PEPD: variants seen among roughly 807,000 people sequenced by gnomAD.
The protein encoded by PEPD is xaa-Pro dipeptidase.
Under a neutral mutation model 60.7 loss-of-function variants are expected in PEPD, and 53 were observed. The ratio of observed to expected loss-of-function variants is 0.87; its 90% CI spans 0.70 to 1.10. The LOEUF is 1.10. Ranked by LOEUF, PEPD falls within the 50% of genes least tolerant of loss-of-function variation. The pLI, the probability that PEPD is intolerant of heterozygous loss-of-function variation, is 0.00. For synonymous variants in PEPD, 267 were observed against 284.1 expected (o/e 0.94, Z 0.60); for missense variants, 711 against 711.9 (o/e 1.00, Z 0.01).
At chr19:33,414,292 G>T (rs764632624) in intron 9 of PEPD, among the ~76,000 whole-genome samples, 1 of 152,218 alleles carries the variant, frequency 6.6e-6, no homozygotes, top group Non-Finnish European at 1.5e-5. Flanking sequence ...CACCCTGAGC[G>T]GGTAGGGCCA....
chr19:33,512,483 CAGGG>C, intron 2 of PEPD, 106 bp downstream of exon 2: 1 of 1,032,814 alleles, frequency 9.7e-7, no homozygotes, highest in Non-Finnish European at 1.5e-6. Context: ...AACAGAGGCT[CAGGG>C]AGGGCCACAA....
rs111593929 is a variant in PEPD, at chr19:33,405,285, T to C, written c.819-3416A>G. ...AAGGCCTCCAAGATGGGTCGGCCAG[T>C]GACGGAAGGCTTGGGAACAGTTTTC... On this transcript the variant is annotated intron_variant, in intron 11 of 14. Coordinates refer to ENST00000244137, the MANE Select transcript of PEPD (RefSeq NM_000285.4). Among the ~76,000 whole-genome samples, 727 of 152,306 alleles carry C rather than the reference T, an allele frequency of 4.8e-3. 3 individuals carry two copies. The highest frequency in any genetic ancestry group is 0.017 in the Middle Eastern group (5 of 294).
chr19:33,488,555 G>C (rs1970438725), intron 6 of PEPD, among the ~76,000 whole-genome samples: 1 of 152,122 alleles, frequency 6.6e-6, no homozygotes, highest in African/African-American at 2.4e-5. Flanking sequence ...TGGGGAGAGA[G>C]AGCAGCTCCA....
chr19:33,424,281 A>T (rs1231356514), intron 9 of PEPD, among the ~76,000 whole-genome samples: 1 of 152,224 alleles, frequency 6.6e-6, no homozygotes, highest in Non-Finnish European at 1.5e-5. Context: ...ACAACACAGA[A>T]CCGAAAGAAA....
chr19:33,411,784 T>C, intron 10 of PEPD, 35 bp from the exon 11 acceptor site: 1 of 1,327,150 alleles, frequency 7.5e-7, no homozygotes, highest in South Asian at 1.2e-5. Flanking sequence ...TCAAAGCCCA[T>C]TCTTCTGCAG....
Position 33,411,658 on chromosome 19 carries a change from C to T in PEPD, c.818+14G>A. 1.3e-6 allele frequency: 2 copies of T among 1,507,936 alleles called. No individual in the cohort carries two copies. The highest frequency in any genetic ancestry group is 9.2e-7 in the Non-Finnish European group (1 of 1,083,960). The allele number at this position is 1,507,936 out of a possible 1,614,324, so 93.4% of individuals were successfully genotyped here. On this transcript the variant is annotated intron_variant, in intron 11 of 14. Coordinates refer to ENST00000244137, the MANE Select transcript of PEPD (RefSeq NM_000285.4). ...CTGTTCACACACAGAGCCAGGGCCG[C>T]TGGCCCTACTTACCACATATCCCCA...
At position 33,503,175 on chromosome 19, in the gene PEPD, A is replaced by AC. The variant is rs560999205; in HGVS notation, c.330-2175dup. Among the ~76,000 whole-genome samples the AC allele has an allele frequency of 3.7e-4, 57 of 152,144 alleles. 3 individuals carry two copies. The South Asian group carries it at 1.0e-2, about 27-fold the overall frequency. The stretch of plus-strand genomic sequence containing the variant: ...TGAGTCCTCCACCACTTCCCTCCCC[A>AC]CCCAAACCAGGAAGTACTGGCCACA... On this transcript the variant is annotated intron_variant, in intron 3 of 14. Coordinates refer to ENST00000244137, the MANE Select transcript of PEPD (RefSeq NM_000285.4).
intron 11 of PEPD, 60 bp from the exon 12 acceptor site, chr19:33,401,929 A>C: frequency 2.0e-6 from 3 of 1,525,440 alleles, no homozygotes; most frequent in Non-Finnish European, 2.7e-6. Context: ...CCTTACCCTT[A>C]CCGCTCCCCA....
chr19:33,414,291 C>T (rs570507696), intron 9 of PEPD, among the ~76,000 whole-genome samples: 7 of 152,316 alleles, frequency 4.6e-5, no homozygotes, highest in East Asian at 3.9e-4. Context: ...CCACCCTGAG[C>T]GGGTAGGGCC....
At chr19:33,408,213 G>A (rs1324327673) in intron 11 of PEPD, among the ~76,000 whole-genome samples, 1 of 152,230 alleles carries the variant, frequency 6.6e-6, no homozygotes. Context: ...ACCAGGGGAC[G>A]GGAGCTGTCT....
chr19:33,437,570 A>C (rs1364149865), intron 9 of PEPD, among the ~76,000 whole-genome samples: 1 of 152,212 alleles, frequency 6.6e-6, no homozygotes, highest in Non-Finnish European at 1.5e-5. Context: ...TAAGCATCAT[A>C]AATAATGCTA....
chr19:33,460,447 C>T (rs151185170), intron 9 of PEPD, among the ~76,000 whole-genome samples: 9 of 152,306 alleles, frequency 5.9e-5, no homozygotes, highest in Non-Finnish European at 1.3e-4. Context: ...CTCCTCAAAT[C>T]TGGCCAGGGA....
intron 9 of PEPD, among the ~76,000 whole-genome samples, chr19:33,415,606 T>A (rs563279449): frequency 6.1e-4 from 93 of 152,314 alleles, no homozygotes; most frequent in Admixed American, 2.0e-3. Context: ...TCCCCCTGCA[T>A]AACCCACTCA....
At chr19:33,411,995 C>T (rs909010947) in intron 10 of PEPD, among the ~76,000 whole-genome samples, 4 of 152,240 alleles carry the variant, frequency 2.6e-5, no homozygotes, top group African/African-American at 9.6e-5. Flanking sequence ...CTGAAGGCGT[C>T]GTTAGGCGGC....
At chr19:33,477,209 ACTC>A (rs1970232844) in intron 7 of PEPD, 1 of 151,144 alleles carries the variant, frequency 6.6e-6, no homozygotes, top group South Asian at 2.1e-4. Flanking sequence ...ACTCTCTCCT[ACTC>A]CTTCTTTTTC....
chr19:33,470,768 C>G (rs917674516), intron 7 of PEPD, among the ~76,000 whole-genome samples: 1 of 152,158 alleles, frequency 6.6e-6, no homozygotes, highest in Non-Finnish European at 1.5e-5. Flanking sequence ...GAAAAGGAGG[C>G]CTCTCCACCC....
chr19:33,512,677 A>G lies in PEPD; in HGVS notation c.117T>C (p.Ala39=). The change falls in exon 2 of 15, where the codon GCT becomes GCC. Residue 39 remains alanine (A), a synonymous_variant. Coordinates refer to ENST00000244137, the MANE Select transcript of PEPD (RefSeq NM_000285.4). ...GGACCACGATGGAGCCGGCCTGCAC[A>G]GCAGGGTTCTTCCGCAGCCGCTCAC... is the stretch of plus-strand genomic sequence containing the variant. ...RLCERLRKNP[A]VQAGSIVVLQ... 6.2e-7 allele frequency: 1 copy of G among 1,613,994 alleles called. No homozygotes were observed. The highest frequency in any genetic ancestry group is 8.5e-7 in the Non-Finnish European group (1 of 1,179,962).
At chr19:33,493,820 CCCCCA>C (rs1970545740) in intron 4 of PEPD, among the ~76,000 whole-genome samples, 1 of 151,238 alleles carries the variant, frequency 6.6e-6, no homozygotes, top group Non-Finnish European at 1.5e-5. Flanking sequence ...CACCCTCTGG[CCCCCA>C]CCCCACAGCC....
chr19:33,473,064 G>GGA (rs1166672261), intron 7 of PEPD, among the ~76,000 whole-genome samples: 3 of 152,170 alleles, frequency 2.0e-5, no homozygotes, highest in Non-Finnish European at 2.9e-5. Context: ...ACCTAGCCAG[G>GGA]GACGGGCAGA....
Sources: allele counts gnomAD v4.1 joint callset (sites outside exome capture counted in the v4.1 genomes callset), GRCh38; gene constraint gnomAD v4.1.1; transcripts MANE v1.5; gene names NCBI Gene and HGNC (gene_info 2026-07-23, HGNC 2026-07-21).